Variants in TMEM132D observed in about 807,000 individuals in gnomAD.
The protein encoded by TMEM132D is transmembrane protein 132D, also known as mature OL transmembrane protein.
Under a neutral mutation model 62.3 loss-of-function variants are expected in TMEM132D, and 21 were observed. That is an observed-to-expected ratio of 0.34 (90% CI 0.24 to 0.49). TMEM132D has a LOEUF of 0.49. Among genes scored for constraint, TMEM132D ranks in the 20% least tolerant of loss-of-function variants. The pLI, the probability that TMEM132D is intolerant of heterozygous loss-of-function variation, is 0.99. For synonymous variants in TMEM132D, 621 were observed against 575.6 expected (o/e 1.08, Z -1.13); for missense variants, 1,346 against 1,402.8 (o/e 0.96, Z 0.65).
At chr12:129,225,504 T>C (rs2135575653) in intron 4 of TMEM132D, among the ~76,000 whole-genome samples, 1 of 152,316 alleles carries the variant, frequency 6.6e-6, no homozygotes, top group Non-Finnish European at 1.5e-5. Context: ...CCCAGCTTTG[T>C]CACTTCCATG....
At chr12:129,508,061 G>A (rs1875391421) in intron 3 of TMEM132D, among the ~76,000 whole-genome samples, 1 of 152,018 alleles carries the variant, frequency 6.6e-6, no homozygotes, top group South Asian at 2.1e-4. Flanking sequence ...CCTATCTTTA[G>A]GAAGATGGGA....
chr12:129,476,138 T>C (rs2137050251), intron 3 of TMEM132D, among the ~76,000 whole-genome samples: 1 of 152,282 alleles, frequency 6.6e-6, no homozygotes, highest in East Asian at 1.9e-4. Flanking sequence ...TCATACCAGT[T>C]GGCAACACGC....
chr12:129,714,888 G>C (rs1868516071), intron 1 of TMEM132D, among the ~76,000 whole-genome samples: 1 of 152,186 alleles, frequency 6.6e-6, no homozygotes. Context: ...ACAAAGTCTA[G>C]TGAGGAGGGT....
chr12:129,317,729 A>G (rs980985162), intron 4 of TMEM132D, among the ~76,000 whole-genome samples: 9 of 152,168 alleles, frequency 5.9e-5, no homozygotes, highest in Admixed American at 3.3e-4. Context: ...TTTTCCCCCA[A>G]ATACGTTTTC....
At chr12:129,165,022 G>C (rs1260668520) in intron 5 of TMEM132D, among the ~76,000 whole-genome samples, 2 of 152,116 alleles carry the variant, frequency 1.3e-5, no homozygotes, top group Non-Finnish European at 2.9e-5. Flanking sequence ...TCATACATGG[G>C]AAAATTACTC....
chr12:129,191,427 A>G (rs1234397970), intron 5 of TMEM132D, among the ~76,000 whole-genome samples: 1 of 149,492 alleles, frequency 6.7e-6, no homozygotes, highest in African/African-American at 2.6e-5. Context: ...ATATGAAAAT[A>G]TCTCCCATTT....
chr12:129,809,624 T>C (rs1259511422), intron 1 of TMEM132D, among the ~76,000 whole-genome samples: 2 of 152,208 alleles, frequency 1.3e-5, no homozygotes, highest in Non-Finnish European at 2.9e-5. Flanking sequence ...CTGACCTTAC[T>C]CTAGCTCATT....
intron 3 of TMEM132D, among the ~76,000 whole-genome samples, chr12:129,441,532 T>C (rs1375036728): frequency 1.3e-5 from 2 of 152,312 alleles, no homozygotes; most frequent in East Asian, 3.9e-4. Context: ...ATACAGCCAC[T>C]GTGTGAGACA....
In TMEM132D at chr12:129,237,653, A is replaced by C. The variant is rs183989610; in HGVS notation, c.1300-27990T>G. ...TGGTATCTGTTTTATGGCCTAGGAT[A>C]TTGTTTAACTGATGTTTTATGTGCA... On this transcript the variant is annotated intron_variant, in intron 4 of 8. Coordinates refer to ENST00000422113, the MANE Select transcript of TMEM132D (RefSeq NM_133448.3). Among the ~76,000 whole-genome samples the C allele has an allele frequency of 5.1e-3, 780 of 152,214 alleles. 3 individuals are homozygous for C. Among genetic ancestry groups the C allele is most frequent in the Middle Eastern group, 0.014 (4 of 294 alleles).
At chr12:129,386,716 TAACACC>T (rs201957952) in intron 3 of TMEM132D, among the ~76,000 whole-genome samples, 2,938 of 147,472 alleles carry the variant, frequency 0.02, 99 homozygotes, top group African/African-American at 0.069. Flanking sequence ...ATGCCAACAC[TAACACC>T]AACACCAACG....
chr12:129,211,983 A>G (rs1295142480), intron 4 of TMEM132D: 1 of 152,190 alleles, frequency 6.6e-6, no homozygotes, highest in Non-Finnish European at 1.5e-5. Context: ...AAAAGGAACA[A>G]GTGGTATTCT....
At chr12:129,266,028 G>A (rs1019125357) in intron 4 of TMEM132D, among the ~76,000 whole-genome samples, 12 of 152,126 alleles carry the variant, frequency 7.9e-5, no homozygotes, top group African/African-American at 2.4e-4. Context: ...CTGAGTGACT[G>A]AATGAACTCC....
intron 2 of TMEM132D, among the ~76,000 whole-genome samples, chr12:129,667,787 G>C (rs1354240983): frequency 1.3e-5 from 2 of 151,858 alleles, no homozygotes; most frequent in Non-Finnish European, 2.9e-5. Context: ...GCTTTCATTG[G>C]GCTATATTTG....
chr12:129,886,741 T>G (rs1291686041), intron 1 of TMEM132D, among the ~76,000 whole-genome samples: 6 of 152,166 alleles, frequency 3.9e-5, no homozygotes, highest in Admixed American at 3.9e-4. Context: ...CATCTTGAAC[T>G]GTAGTTCCCA....
At chr12:129,357,604 AAAAG>A (rs370312615) in intron 3 of TMEM132D, among the ~76,000 whole-genome samples, 65 of 152,210 alleles carry the variant, frequency 4.3e-4, no homozygotes, top group Admixed American at 9.2e-4. Context: ...GAGAGAAAGA[AAAAG>A]AAAGAAAGAA....
chr12:129,135,380 C>T (rs1401370081), intron 5 of TMEM132D, among the ~76,000 whole-genome samples: 1 of 152,146 alleles, frequency 6.6e-6, no homozygotes, highest in East Asian at 1.9e-4. Flanking sequence ...GAGCTAGTTA[C>T]ATTGTTACCC....
At chr12:129,735,248 C>T (rs1565966780) in intron 1 of TMEM132D, among the ~76,000 whole-genome samples, 1 of 152,174 alleles carries the variant, frequency 6.6e-6, no homozygotes, top group Non-Finnish European at 1.5e-5. Flanking sequence ...GAACAGAACA[C>T]TGAAAGGGCA....
intron 3 of TMEM132D, among the ~76,000 whole-genome samples, chr12:129,453,392 A>C (rs1873363617): frequency 6.6e-6 from 1 of 152,060 alleles, no homozygotes; most frequent in Non-Finnish European, 1.5e-5. Context: ...CTAAATCCAA[A>C]CTGCATTCAA....
intron 4 of TMEM132D, among the ~76,000 whole-genome samples, chr12:129,307,845 C>A (rs1881880776): frequency 6.6e-6 from 1 of 152,192 alleles, no homozygotes; most frequent in Non-Finnish European, 1.5e-5. Context: ...AGTCTCTGCT[C>A]ACAAATGATT....
Sources: allele counts gnomAD v4.1 joint callset (sites outside exome capture counted in the v4.1 genomes callset), GRCh38; gene constraint gnomAD v4.1.1; transcripts MANE v1.5; gene names NCBI Gene and HGNC (gene_info 2026-07-23, HGNC 2026-07-21).